SUZ12: variants seen among roughly 807,000 people sequenced by gnomAD.
SUZ12 encodes SUZ12 polycomb repressive complex 2 subunit.
SUZ12 carries 17 observed loss-of-function variants against 87.3 expected under a neutral mutation model. The ratio of observed to expected loss-of-function variants is 0.19; its 90% CI spans 0.13 to 0.29. The LOEUF (loss-of-function observed/expected upper bound fraction) is 0.29, where lower values mean the gene tolerates loss of function less well. Among genes scored for constraint, SUZ12 ranks in the 10% least tolerant of loss-of-function variants. The pLI, the probability that SUZ12 is intolerant of heterozygous loss-of-function variation, is 1.00. For synonymous variants in SUZ12, 253 were observed against 312.4 expected, an observed-to-expected ratio of 0.81 and a Z score of 2.01; for missense variants, 526 against 912.2, an observed-to-expected ratio of 0.58 and a Z score of 5.45.
At chr17:31,990,148 G>GTTTTT (rs1567836883) in intron 10 of SUZ12, among the ~76,000 whole-genome samples, 2 of 127,042 alleles carry the variant, frequency 1.6e-5, no homozygotes, top group African/African-American at 6.2e-5. Context: ...TTTTTTTTTG[G>GTTTTT]ATTTTTAGTA....
intron 10 of SUZ12, among the ~76,000 whole-genome samples, chr17:31,989,765 ATTTTT>A (rs568524946): frequency 7.7e-6 from 1 of 129,868 alleles, no homozygotes. Flanking sequence ...CGACCAGCTA[ATTTTT>A]TTTTTTTTTT....
intron 4 of SUZ12, among the ~76,000 whole-genome samples, chr17:31,954,878 A>C (rs1302655460): frequency 6.6e-6 from 1 of 152,188 alleles, no homozygotes; most frequent in Non-Finnish European, 1.5e-5. Context: ...AGTCTCCTTG[A>C]GAGTGGTATG....
intron 4 of SUZ12, among the ~76,000 whole-genome samples, chr17:31,950,196 GC>G (rs67751440): frequency 1 from 151,992 of 151,994 alleles, 75,995 homozygotes; most frequent in Non-Finnish European, 1. Flanking sequence ...GCCCACCTCA[GC>G]CCTCCCAAAG....
chr17:31,962,222 A>G (rs56160732), intron 4 of SUZ12, among the ~76,000 whole-genome samples: 26,854 of 150,834 alleles, frequency 0.18, no homozygotes, highest in African/African-American at 0.32. Flanking sequence ...GATCACTTGC[A>G]CCCAGGAGTT....
At chr17:31,963,009 A>G (rs1283441688) in intron 4 of SUZ12, among the ~76,000 whole-genome samples, 3 of 152,238 alleles carry the variant, frequency 2.0e-5, no homozygotes, top group African/African-American at 4.8e-5. Context: ...GTAAGGTAGT[A>G]TTTATGGAAC....
In SUZ12 at chr17:31,999,742, A is replaced by G. The variant is rs1910165586; in HGVS notation, c.*739A>G. ...AATTTTAGTGCATTGCTCACCCGGT[A>G]TGTTTTTTTTTTTTAACTTGAACAT... is the stretch of plus-strand genomic sequence containing the variant. On this transcript the variant is annotated 3_prime_UTR_variant, in exon 16 of 16. Transcript: ENST00000322652. 4.4e-6 allele frequency: 1 copy of G among 229,454 alleles called. No individual in the cohort carries two copies. Among genetic ancestry groups the G allele is most frequent in the Non-Finnish European group, 8.6e-6 (1 of 116,758 alleles). 14.2% of individuals were successfully genotyped at this position (229,454 alleles called of 1,614,324 possible).
At chr17:31,956,862 G>C (rs778711183) in intron 4 of SUZ12, among the ~76,000 whole-genome samples, 23 of 151,792 alleles carry the variant, frequency 1.5e-4, no homozygotes, top group Non-Finnish European at 2.5e-4. Context: ...TGCAACCTCT[G>C]CCTCCCAGGT....
chr17:31,993,780 A>T, intron 11 of SUZ12, 85 bp from the exon 12 acceptor site: 1 of 1,353,330 alleles, frequency 7.4e-7, no homozygotes, highest in Non-Finnish European at 1.0e-6. Flanking sequence ...TAAATTTTTT[A>T]AACTATTTTT....
chr17:31,948,986 A>G (rs1161575260), intron 4 of SUZ12, among the ~76,000 whole-genome samples: 1 of 151,964 alleles, frequency 6.6e-6, no homozygotes, highest in African/African-American at 2.4e-5. Context: ...TACAGACTGT[A>G]GTAAGATCCT....
chr17:31,944,734 G>A (rs565052172), intron 3 of SUZ12, among the ~76,000 whole-genome samples: 73 of 152,242 alleles, frequency 4.8e-4, no homozygotes, highest in African/African-American at 1.7e-3. Context: ...GACTGAGTTA[G>A]GAGGATTGCT....
intron 12 of SUZ12, 127 bp downstream of exon 12, chr17:31,994,135 G>T: frequency 1.2e-6 from 1 of 863,864 alleles, no homozygotes; most frequent in Non-Finnish European, 1.7e-6. Context: ...TTAAGTACAA[G>T]ATAGCATGAC....
chr17:31,938,472 CGTATTACGTT>C (rs1445902300), intron 1 of SUZ12, among the ~76,000 whole-genome samples: 3 of 152,162 alleles, frequency 2.0e-5, no homozygotes, highest in Non-Finnish European at 4.4e-5. Context: ...CTTAGAAAGA[CGTATTACGTT>C]GTTTAATACC....
Position 32,000,807 on chromosome 17 carries a change from T to G in SUZ12, c.*1804T>G, listed in dbSNP as rs1026930360. Reference sequence around the variant, plus strand: ...AAAATTACTTCTGTTGAGTAAACTTTTTATGTCATCGTAAAAGCTGAAAAA... The same window carrying G: ...AAAATTACTTCTGTTGAGTAAACTTGTTATGTCATCGTAAAAGCTGAAAAA... On this transcript the variant is annotated 3_prime_UTR_variant, in exon 16 of 16. Transcript: ENST00000322652. The G allele has an allele frequency of 4.4e-6, 1 of 229,020 alleles. No individual in the cohort carries two copies. Among genetic ancestry groups the G allele is most frequent in the African/African-American group, 2.2e-5 (1 of 45,114 alleles). The allele number at this position is 229,020 out of a possible 1,614,324, so 14.2% of individuals were successfully genotyped here.
At position 32,000,835 on chromosome 17, in the gene SUZ12, C is replaced by T. The variant is rs1796910859; in HGVS notation, c.*1832C>T. ...ATGTCATCGTAAAAGCTGAAAAAAT[C>T]CCTTTGTTTCTATTTATAAAAAAAG... On this transcript the variant is annotated 3_prime_UTR_variant, in exon 16 of 16. Transcript: ENST00000322652. 2 of 226,396 alleles carry T rather than the reference C, an allele frequency of 8.8e-6. No individual in the cohort carries two copies. The highest frequency in any genetic ancestry group is 4.4e-5 in the African/African-American group (2 of 44,950). The allele number at this position is 226,396 out of a possible 1,614,324, so 14.0% of individuals were successfully genotyped here.
Position 31,996,837 on chromosome 17 carries a change from G to C in SUZ12, c.1834G>C (p.Glu612Gln). 6.5e-7 allele frequency: 1 copy of C among 1,549,056 alleles called. No individual in the cohort carries two copies. The highest frequency in any genetic ancestry group is 8.6e-7 in the Non-Finnish European group (1 of 1,158,266). The change falls in exon 15 of 16, where the codon GAA becomes CAA. Residue 612 changes from glutamate to glutamine, a missense_variant. Physicochemically the swap from Glu to Gln is conservative, Grantham distance 29 (BLOSUM62 2). Transcript: ENST00000322652. ...EFSDVNEGEK[E>Q]VMKLWNLHVM... ...TTCTGATGTTAATGAAGGAGAGAAA[G>C]AAGTGATGAAACTCTGGAATCTCCA...
chr17:31,962,354 G>C (rs1185149002), intron 4 of SUZ12, among the ~76,000 whole-genome samples: 2 of 152,234 alleles, frequency 1.3e-5, no homozygotes, highest in African/African-American at 4.8e-5. Flanking sequence ...ACTTTGGGAG[G>C]CTGAGGCAGG....
intron 10 of SUZ12, among the ~76,000 whole-genome samples, chr17:31,990,410 C>T (rs1423230661): frequency 1.3e-5 from 2 of 152,038 alleles, no homozygotes; most frequent in African/African-American, 4.8e-5. Flanking sequence ...CGCGCCCAGG[C>T]TGCAGTGCGG....
At chr17:31,946,540 A>G (rs965218603) in intron 3 of SUZ12, among the ~76,000 whole-genome samples, 3 of 152,172 alleles carry the variant, frequency 2.0e-5, no homozygotes, top group Admixed American at 6.5e-5. Flanking sequence ...TCTCAAAAAC[A>G]AAACAAACAA....
At chr17:31,993,395 C>A in intron 11 of SUZ12, 62 bp downstream of exon 11, 1 of 1,103,744 alleles carries the variant, frequency 9.1e-7, no homozygotes, top group Non-Finnish European at 1.3e-6. Context: ...GTATGTCAAA[C>A]ATGAAAATTT....
Sources: gnomAD v4.1 joint callset for allele counts (sites outside exome capture counted in the v4.1 genomes callset) on GRCh38, gnomAD v4.1.1 for gene constraint, MANE v1.5 for transcripts, NCBI Gene and HGNC (gene_info 2026-07-23, HGNC 2026-07-21) for gene names.